The following LINGO2 variants were observed in gnomAD, a reference collection of about 807,000 sequenced individuals.
The protein encoded by LINGO2 is leucine rich repeat and Ig domain containing 2, also known as leucine-rich repeat and immunoglobulin-like domain-containing nogo receptor-interacting protein 2.
In LINGO2, 14 loss-of-function variants were observed where a neutral mutation model predicts 30.6. That is an observed-to-expected ratio of 0.46 (90% CI 0.30 to 0.72). The LOEUF is 0.72. LINGO2 is among the 30% of genes least tolerant of loss of function. LINGO2 has a pLI of 0.07. For synonymous variants in LINGO2, 317 were observed against 288.5 expected, an observed-to-expected ratio of 1.10 and a Z score of -1.00; for missense variants, 729 against 751.7, an observed-to-expected ratio of 0.97 and a Z score of 0.35.
rs138062773 is a variant in LINGO2, at chr9:28,492,417, C to G, written c.-364-16392G>C. Among the ~76,000 whole-genome samples, 567 of 152,228 alleles carry G rather than the reference C, an allele frequency of 3.7e-3. 4 individuals are homozygous for G. The highest frequency in any genetic ancestry group is 0.013 in the African/African-American group (526 of 41,538). Reference sequence around the variant, plus strand: ...TTTTAGGAAGAATCCAAAAGTACAGCAAAGTATGTGTATAATATAAATGTT... The same window carrying G: ...TTTTAGGAAGAATCCAAAAGTACAGGAAAGTATGTGTATAATATAAATGTT... On this transcript the variant is annotated intron_variant, in intron 1 of 5. Coordinates refer to ENST00000379992, the Ensembl canonical transcript of LINGO2.
the LINGO2 span, among the ~76,000 whole-genome samples, chr9:28,697,342 G>C: frequency 6.6e-6 from 1 of 151,984 alleles, no homozygotes; most frequent in Middle Eastern, 3.4e-3. Context: ...ATTTGGAACA[G>C]GTTAGGTAAT....
At chr9:28,347,605 G>A (rs75601205) in intron 3 of LINGO2, among the ~76,000 whole-genome samples, 2,892 of 152,254 alleles carry the variant, frequency 0.019, 102 homozygotes, top group African/African-American at 0.066. Context: ...GTCATTGAAT[G>A]TGCAGTCCAA....
chr9:28,193,394 A>G (rs541444577), intron 4 of LINGO2, among the ~76,000 whole-genome samples: 1 of 152,092 alleles, frequency 6.6e-6, no homozygotes, highest in African/African-American at 2.4e-5. Context: ...TTTAACTTTT[A>G]ATTAAAAATT....
At chr9:28,268,370 C>G (rs1822827153) in intron 4 of LINGO2, among the ~76,000 whole-genome samples, 1 of 152,048 alleles carries the variant, frequency 6.6e-6, no homozygotes, top group Non-Finnish European at 1.5e-5. Flanking sequence ...GGCAGACACT[C>G]AGGGTCATGC....
intron 5 of LINGO2, among the ~76,000 whole-genome samples, chr9:27,975,616 T>C (rs1311180924): frequency 6.6e-6 from 1 of 152,154 alleles, no homozygotes; most frequent in Non-Finnish European, 1.5e-5. Context: ...TCCATATATA[T>C]TAAGACCCTG....
the LINGO2 span, among the ~76,000 whole-genome samples, chr9:29,090,424 T>C: frequency 6.6e-6 from 1 of 152,006 alleles, no homozygotes; most frequent in Non-Finnish European, 1.5e-5. Flanking sequence ...ATTTAGTACT[T>C]GTCTATATCC....
chr9:27,999,414 C>T (rs1480159199), intron 5 of LINGO2, among the ~76,000 whole-genome samples: 1 of 149,708 alleles, frequency 6.7e-6, no homozygotes, highest in Non-Finnish European at 1.5e-5. Flanking sequence ...ACCTCTACGA[C>T]TTAATCACAG....
chr9:28,100,458 T>C (rs979050480), intron 4 of LINGO2, among the ~76,000 whole-genome samples: 1 of 152,088 alleles, frequency 6.6e-6, no homozygotes, highest in Admixed American at 6.6e-5. Flanking sequence ...ATTTGAACAA[T>C]GTTATGTGAA....
intron 3 of LINGO2, among the ~76,000 whole-genome samples, chr9:28,322,751 T>C (rs1270674077): frequency 4.6e-5 from 7 of 152,146 alleles, no homozygotes; most frequent in African/African-American, 1.7e-4. Flanking sequence ...GAATATATTT[T>C]CTCTCTAAAT....
At chr9:28,057,579 A>G (rs376832482) in intron 4 of LINGO2, among the ~76,000 whole-genome samples, 1 of 21,648 alleles carries the variant, frequency 4.6e-5, no homozygotes, top group African/African-American at 1.0e-4. Flanking sequence ...ATATATACAC[A>G]TATATGTATA....
At chr9:28,856,900 T>G in the LINGO2 span, among the ~76,000 whole-genome samples, 1 of 152,024 alleles carries the variant, frequency 6.6e-6, no homozygotes, top group African/African-American at 2.4e-5. Context: ...ATTTAAGATA[T>G]GTAGTAAAAA....
At chr9:29,190,206 A>G in the LINGO2 span, among the ~76,000 whole-genome samples, 1 of 152,226 alleles carries the variant, frequency 6.6e-6, no homozygotes, top group African/African-American at 2.4e-5. Flanking sequence ...ATCATAATCT[A>G]GAGATTTTTA....
At chr9:29,177,302 T>C in the LINGO2 span, among the ~76,000 whole-genome samples, 3 of 152,212 alleles carry the variant, frequency 2.0e-5, no homozygotes, top group African/African-American at 7.2e-5. Flanking sequence ...GACCAATCTT[T>C]CACTGGAATT....
the LINGO2 span, among the ~76,000 whole-genome samples, chr9:28,709,947 C>T: frequency 1.3e-5 from 2 of 151,440 alleles, no homozygotes; most frequent in South Asian, 4.2e-4. Context: ...TTTTTAAATT[C>T]CAGAGGCTAT....
chr9:28,054,064 C>CAAAAAAAAAAA (rs11461978), intron 4 of LINGO2, among the ~76,000 whole-genome samples: 1 of 149,082 alleles, frequency 6.7e-6, no homozygotes, highest in African/African-American at 2.5e-5. Context: ...AGCTAGCAGA[C>CAAAAAAAAAAA]AAAAAAAAAG....
the LINGO2 span, among the ~76,000 whole-genome samples, chr9:29,171,754 C>T: frequency 6.6e-6 from 1 of 151,698 alleles, no homozygotes; most frequent in Non-Finnish European, 1.5e-5. Flanking sequence ...AATACAACAT[C>T]TACCATATTT....
rs958706188 is a variant in LINGO2, at chr9:27,954,194, A to G, written c.-35-3488T>C. On this transcript the variant is annotated intron_variant, in intron 5 of 5. Coordinates refer to ENST00000379992, the Ensembl canonical transcript of LINGO2. Reference sequence around the variant, plus strand: ...ATCACCTTGAGTATATATCACTTCTATGTGTTGGGAACATTTCAAGTCTTC... The same window carrying G: ...ATCACCTTGAGTATATATCACTTCTGTGTGTTGGGAACATTTCAAGTCTTC... Among the ~76,000 whole-genome samples the G allele has an allele frequency of 3.3e-5, 5 of 152,182 alleles. No homozygotes were observed. The South Asian group carries it at 6.2e-4, about 19-fold the overall frequency.
intron 4 of LINGO2, among the ~76,000 whole-genome samples, chr9:28,038,560 G>C (rs1824051794): frequency 6.6e-6 from 1 of 152,080 alleles, no homozygotes; most frequent in South Asian, 2.1e-4. Flanking sequence ...GGGCGTAGTG[G>C]TGGGCGCCTG....
chr9:28,824,927 C>T, the LINGO2 span, among the ~76,000 whole-genome samples: 1 of 152,002 alleles, frequency 6.6e-6, no homozygotes, highest in East Asian at 1.9e-4. Context: ...CTTTAGTTTT[C>T]AAAGAAAATA....
Sources: gnomAD v4.1 joint callset for allele counts (sites outside exome capture counted in the v4.1 genomes callset) on GRCh38, gnomAD v4.1.1 for gene constraint, MANE v1.5 for transcripts, NCBI Gene and HGNC (gene_info 2026-07-23, HGNC 2026-07-21) for gene names.